The following ELP4 variants were observed in gnomAD, a reference collection of about 807,000 sequenced individuals.
The protein encoded by ELP4 is elongator acetyltransferase complex subunit 4.
In ELP4, 51 loss-of-function variants were observed where a neutral mutation model predicts 48.9. That is an observed-to-expected ratio of 1.04 (90% CI 0.83 to 1.32). The LOEUF is 1.32. ELP4 is among the 40% of genes most tolerant of loss of function. ELP4 has a pLI of 0.00. For synonymous variants in ELP4, 210 were observed against 189.2 expected, an observed-to-expected ratio of 1.11 and a Z score of -0.90; for missense variants, 519 against 514.6, an observed-to-expected ratio of 1.01 and a Z score of -0.08.
chr11:31,743,919 C>CA (rs1210527040), intron 9 of ELP4, among the ~76,000 whole-genome samples: 11 of 152,140 alleles, frequency 7.2e-5, no homozygotes, highest in Admixed American at 2.0e-4. Flanking sequence ...AATAGAGACA[C>CA]AAAAAACCCT....
At chr11:31,646,304 C>T (rs987130164) in intron 7 of ELP4, 1 of 151,734 alleles carries the variant, frequency 6.6e-6, no homozygotes, top group African/African-American at 2.4e-5. Flanking sequence ...AACACTGATC[C>T]AAAGGCTGAA....
intron 3 of ELP4, among the ~76,000 whole-genome samples, chr11:31,554,053 G>A (rs181009237): frequency 1.4e-4 from 22 of 152,282 alleles, no homozygotes; most frequent in East Asian, 3.9e-4. Flanking sequence ...TACGCACTCC[G>A]AATGAGAATC....
chr11:31,698,405 C>T (rs905938262), intron 9 of ELP4, among the ~76,000 whole-genome samples: 4 of 152,020 alleles, frequency 2.6e-5, no homozygotes, highest in African/African-American at 9.7e-5. Flanking sequence ...AATTACATTG[C>T]GACAGCCATA....
At position 31,706,519 on chromosome 11, in the gene ELP4, GTAAT is replaced by G. The variant is rs1265650549; in HGVS notation, c.1143+56304_1143+56307del. ...TATTTATTTTTATATATTTATATAT[GTAAT>G]TAATTTAATTTGTTTATATATTTAA... On this transcript the variant is annotated intron_variant, in intron 9 of 9. Coordinates refer to ENST00000640961, the MANE Select transcript of ELP4 (RefSeq NM_019040.5). Among the ~76,000 whole-genome samples, 12 of 147,186 alleles carry G rather than the reference GTAAT, an allele frequency of 8.2e-5. No homozygotes were observed. The East Asian group carries it at 2.3e-3, about 29-fold the overall frequency.
intron 9 of ELP4, among the ~76,000 whole-genome samples, chr11:31,757,755 C>T (rs138226275): frequency 1.1e-3 from 167 of 152,210 alleles, no homozygotes; most frequent in Non-Finnish European, 1.9e-3. Context: ...TTACACAACA[C>T]GCCAGATGTA....
At chr11:31,781,488 C>CTTTTTTTTTTTTTTTTTTTTT (rs141365629) in intron 9 of ELP4, among the ~76,000 whole-genome samples, 1 of 67,414 alleles carries the variant, frequency 1.5e-5, no homozygotes, top group Non-Finnish European at 2.5e-5. Context: ...ATTCCTGAGC[C>CTTTTTTTTTTTTTTTTTTTTT]TTTTTTTTTT....
chr11:31,627,329 A>G, intron 6 of ELP4, 135 bp downstream of exon 6: 1 of 561,598 alleles, frequency 1.8e-6, no homozygotes, highest in Non-Finnish European at 3.2e-6. Flanking sequence ...CAGAACATGT[A>G]CATAAGCAGA....
At chr11:31,710,296 G>T (rs1946713613) in intron 9 of ELP4, among the ~76,000 whole-genome samples, 1 of 152,174 alleles carries the variant, frequency 6.6e-6, no homozygotes, top group African/African-American at 2.4e-5. Context: ...ATACATTTTT[G>T]AGTTGAGATT....
chr11:31,649,146 T>C (rs1247025176), intron 8 of ELP4: 1 of 151,710 alleles, frequency 6.6e-6, no homozygotes, highest in Non-Finnish European at 1.5e-5. Context: ...TAAAGCTAAG[T>C]ACCTTTAAAG....
intron 9 of ELP4, among the ~76,000 whole-genome samples, chr11:31,673,363 C>G (rs1945850800): frequency 6.6e-6 from 1 of 151,984 alleles, no homozygotes; most frequent in South Asian, 2.1e-4. Context: ...CAGTGTCTTG[C>G]TCTGTCACCC....
At chr11:31,746,565 A>C (rs1047620662) in intron 9 of ELP4, among the ~76,000 whole-genome samples, 1 of 152,246 alleles carries the variant, frequency 6.6e-6, no homozygotes, top group Non-Finnish European at 1.5e-5. Context: ...GCCATAAAAA[A>C]TGATGAGTTC....
intron 9 of ELP4, among the ~76,000 whole-genome samples, chr11:31,661,019 G>T (rs1262713117): frequency 6.6e-6 from 1 of 151,924 alleles, no homozygotes; most frequent in Non-Finnish European, 1.5e-5. Flanking sequence ...ATGTATATTT[G>T]TGAGATACAA....
chr11:31,522,308 T>G (rs1448885069), intron 2 of ELP4, among the ~76,000 whole-genome samples: 1 of 152,132 alleles, frequency 6.6e-6, no homozygotes, highest in Non-Finnish European at 1.5e-5. Context: ...TAAAGAAAAT[T>G]AGGTTGCTTT....
intron 3 of ELP4, among the ~76,000 whole-genome samples, chr11:31,583,307 T>C (rs1427425514): frequency 6.6e-6 from 1 of 152,206 alleles, no homozygotes; most frequent in African/African-American, 2.4e-5. Flanking sequence ...GCATGTTTTC[T>C]ACATCTCATA....
intron 9 of ELP4, chr11:31,682,150 A>T (rs2134124460): frequency 8.8e-7 from 1 of 1,132,676 alleles, no homozygotes; most frequent in Non-Finnish European, 1.1e-6. Context: ...AGTTTCAGCC[A>T]AGCTATTGAC....
intron 9 of ELP4, among the ~76,000 whole-genome samples, chr11:31,745,328 T>C (rs895454610): frequency 7.9e-5 from 12 of 152,146 alleles, no homozygotes; most frequent in African/African-American, 9.7e-5. Flanking sequence ...AGGTAATTTA[T>C]AGATTCAATG....
chr11:31,678,527 GTGTGTGTGTGTGTGTA>G (rs1176961485), intron 9 of ELP4, among the ~76,000 whole-genome samples: 1,680 of 136,366 alleles, frequency 0.012, 22 homozygotes, highest in South Asian at 0.036. Context: ...GTGTGTGTGT[GTGTGTGTGTGTGTGTA>G]TATGTGCATT....
chr11:31,525,619 A>G (rs1394118548), intron 2 of ELP4, among the ~76,000 whole-genome samples: 2 of 152,144 alleles, frequency 1.3e-5, no homozygotes, highest in African/African-American at 4.8e-5. Flanking sequence ...CATATTTAGG[A>G]CTAGTGAGAA....
intron 9 of ELP4, among the ~76,000 whole-genome samples, chr11:31,712,602 C>G (rs1287793044): frequency 1.3e-5 from 2 of 151,940 alleles, no homozygotes; most frequent in Admixed American, 1.3e-4. Context: ...TCATACTATT[C>G]TAGTGATGTC....
Sources: gnomAD v4.1 joint callset for allele counts (sites outside exome capture counted in the v4.1 genomes callset) on GRCh38, gnomAD v4.1.1 for gene constraint, MANE v1.5 for transcripts, NCBI Gene and HGNC (gene_info 2026-07-23, HGNC 2026-07-21) for gene names.